The following CSMD3 variants were observed in gnomAD, a reference collection of about 807,000 sequenced individuals.
The protein encoded by CSMD3 is CUB and sushi domain-containing protein 3.
Under a neutral mutation model 435.2 loss-of-function variants are expected in CSMD3, and 177 were observed. The ratio of observed to expected loss-of-function variants is 0.41; its 90% CI spans 0.36 to 0.46. The LOEUF is 0.46. Ranked by LOEUF, CSMD3 falls within the 20% of genes least tolerant of loss-of-function variation. The pLI, the probability that CSMD3 is intolerant of heterozygous loss-of-function variation, is 0.34. For missense variants in CSMD3, 4,265 were observed against 4,504.6 expected (o/e 0.95, Z 1.52); for synonymous variants, 1,656 against 1,520.5 (o/e 1.09, Z -2.07).
chr8:112,945,593 T>C (rs1281750129), intron 9 of CSMD3, among the ~76,000 whole-genome samples: 1 of 121,134 alleles, frequency 8.3e-6, no homozygotes, highest in Non-Finnish European at 1.9e-5. Flanking sequence ...GAAATATGTG[T>C]GTGTGTGTGT....
At chr8:112,775,733 A>G (rs536108659) in intron 13 of CSMD3, among the ~76,000 whole-genome samples, 1 of 152,006 alleles carries the variant, frequency 6.6e-6, no homozygotes, top group East Asian at 1.9e-4. Context: ...CACTTTGCCA[A>G]TCTAGTTAAT....
At chr8:112,271,820 G>T (rs1236833761) in intron 59 of CSMD3, among the ~76,000 whole-genome samples, 1 of 151,988 alleles carries the variant, frequency 6.6e-6, no homozygotes, top group Non-Finnish European at 1.5e-5. Flanking sequence ...AAGAATAAAG[G>T]CTTTGTTTCT....
At chr8:113,366,422 G>A (rs1236893998) in intron 1 of CSMD3, among the ~76,000 whole-genome samples, 1 of 151,972 alleles carries the variant, frequency 6.6e-6, no homozygotes, top group Non-Finnish European at 1.5e-5. Context: ...GAAATATCAT[G>A]AGGAAAACCA....
At chr8:113,116,940 T>C (rs776501866) in intron 4 of CSMD3, among the ~76,000 whole-genome samples, 15 of 152,164 alleles carry the variant, frequency 9.9e-5, no homozygotes, top group Non-Finnish European at 1.8e-4. Flanking sequence ...TTAAGGTATC[T>C]GGCAGAAGAA....
At chr8:112,300,350 C>G (rs1007455706) in intron 53 of CSMD3, among the ~76,000 whole-genome samples, 10 of 149,958 alleles carry the variant, frequency 6.7e-5, no homozygotes, top group African/African-American at 2.4e-4. Context: ...CATAAGTAAA[C>G]TAAGTAATCT....
rs564393878 is a variant in CSMD3, at chr8:113,199,492, C to T, written c.515-25576G>A. ...GATCTGGGTGGGATAATATTATAAG[C>T]TCTATTTAATAACACCTTAAATTTA... On this transcript the variant is annotated intron_variant, in intron 3 of 70. Coordinates refer to ENST00000297405, the MANE Select transcript of CSMD3 (RefSeq NM_198123.2). 2.4e-4 allele frequency among the ~76,000 whole-genome samples: 37 copies of T among 151,732 alleles called. No homozygotes were observed. The South Asian group carries it at 7.7e-3, about 31-fold the overall frequency.
chr8:113,255,469 A>C (rs1462275418), intron 3 of CSMD3, among the ~76,000 whole-genome samples: 3 of 152,082 alleles, frequency 2.0e-5, no homozygotes, highest in Non-Finnish European at 4.4e-5. Context: ...TTTATAGAAA[A>C]ATAATGACAA....
At position 112,833,571 on chromosome 8, in the gene CSMD3, T is replaced by A. The variant is rs574734895; in HGVS notation, c.1756-3782A>T. Among the ~76,000 whole-genome samples, 12 of 152,176 alleles carry A rather than the reference T, an allele frequency of 7.9e-5. No homozygotes were observed. In the South Asian group the frequency reaches 2.5e-3, roughly 32 times the overall value. ...TTAGGTTCTTCCTTTCCAAATTATG[T>A]AATTTTAAAATCTTAACTTTCTTGG... On this transcript the variant is annotated intron_variant, in intron 11 of 70. Coordinates refer to ENST00000297405, the MANE Select transcript of CSMD3 (RefSeq NM_198123.2).
chr8:113,391,186 T>A (rs1466500867), intron 1 of CSMD3, among the ~76,000 whole-genome samples: 1 of 152,020 alleles, frequency 6.6e-6, no homozygotes, highest in Non-Finnish European at 1.5e-5. Flanking sequence ...ATATTAAGAT[T>A]AAGAAACTAG....
chr8:112,864,761 G>C (rs1038725888), intron 10 of CSMD3, among the ~76,000 whole-genome samples: 1 of 152,108 alleles, frequency 6.6e-6, no homozygotes, highest in African/African-American at 2.4e-5. Flanking sequence ...TTCTGAATGG[G>C]ACAGCTTATT....
At chr8:112,837,649 T>G (rs1423930523) in intron 11 of CSMD3, among the ~76,000 whole-genome samples, 1 of 151,766 alleles carries the variant, frequency 6.6e-6, no homozygotes, top group African/African-American at 2.4e-5. Context: ...AAATAGGTAT[T>G]CGTATCTGTT....
intron 5 of CSMD3, among the ~76,000 whole-genome samples, chr8:113,049,604 T>C (rs1472077638): frequency 6.6e-6 from 1 of 152,040 alleles, no homozygotes; most frequent in African/African-American, 2.4e-5. Flanking sequence ...AATATGAAGA[T>C]CTCAGAAACA....
chr8:113,142,399 G>A (rs1243030993), intron 4 of CSMD3, among the ~76,000 whole-genome samples: 1 of 151,232 alleles, frequency 6.6e-6, no homozygotes, highest in Non-Finnish European at 1.5e-5. Flanking sequence ...TCACAATTGT[G>A]TGGTATTGTC....
intron 3 of CSMD3, among the ~76,000 whole-genome samples, chr8:113,248,484 TACATATATATAC>T (rs2093301561): frequency 7.3e-6 from 1 of 137,866 alleles, no homozygotes; most frequent in African/African-American, 2.6e-5. Flanking sequence ...TATGTATATA[TACATATATATAC>T]ACACACACAT....
rs118111809 is a variant in CSMD3, at chr8:112,968,757, A to G, written c.1342+7080T>C. On this transcript the variant is annotated intron_variant, in intron 7 of 70. Transcript: ENST00000297405. ...CACTATGCAATATACTTTTGAATTC[A>G]CCACTTGCTCAGTGAAAGATAAGAT... Among the ~76,000 whole-genome samples the G allele has an allele frequency of 8.2e-4, 124 of 152,102 alleles. 1 individual carries two copies. In the East Asian group the frequency reaches 0.022, roughly 27 times the overall value.
chr8:112,934,948 G>A (rs1479530220), intron 9 of CSMD3, among the ~76,000 whole-genome samples: 1 of 151,862 alleles, frequency 6.6e-6, no homozygotes, highest in African/African-American at 2.4e-5. Context: ...TTTTGCCTGT[G>A]CTTTTGGGGT....
intron 12 of CSMD3, among the ~76,000 whole-genome samples, chr8:112,803,585 G>A (rs182031438): frequency 2.4e-4 from 37 of 152,220 alleles, no homozygotes; most frequent in Admixed American, 2.0e-3. Context: ...AAAAGATGTA[G>A]AGTGGTCTCA....
intron 5 of CSMD3, among the ~76,000 whole-genome samples, chr8:113,030,159 C>T (rs1001843268): frequency 2.6e-5 from 4 of 151,236 alleles, no homozygotes; most frequent in African/African-American, 4.8e-5. Context: ...ACATCCCATG[C>T]TCATGGATGG....
intron 12 of CSMD3, among the ~76,000 whole-genome samples, chr8:112,806,726 C>T (rs986326704): frequency 4.6e-5 from 7 of 152,132 alleles, no homozygotes; most frequent in African/African-American, 9.7e-5. Context: ...GATGGGGCCT[C>T]GCTTCAGCTC....
Sources: gnomAD v4.1 joint callset for allele counts (sites outside exome capture counted in the v4.1 genomes callset) on GRCh38, gnomAD v4.1.1 for gene constraint, MANE v1.5 for transcripts, NCBI Gene and HGNC (gene_info 2026-07-23, HGNC 2026-07-21) for gene names.